The following RBMS3 variants were observed in gnomAD, a reference collection of about 807,000 sequenced individuals.
RBMS3 encodes the protein RNA binding motif single stranded interacting protein 3, also known as RNA-binding motif, single-stranded-interacting protein 3.
A neutral mutation model predicts 66.8 loss-of-function variants in RBMS3; 27 were observed. The ratio of observed to expected loss-of-function variants is 0.40; its 90% CI spans 0.30 to 0.56. RBMS3 has a LOEUF of 0.56. Among genes scored for constraint, RBMS3 ranks in the 20% least tolerant of loss-of-function variants. RBMS3 has a pLI of 0.40. For missense variants in RBMS3, 513 were observed against 549.5 expected (o/e 0.93, Z 0.66); for synonymous variants, 188 against 183.0 (o/e 1.03, Z -0.22).
intron 4 of RBMS3, among the ~76,000 whole-genome samples, chr3:29,695,626 A>C (rs2052236460): frequency 1.3e-5 from 2 of 152,060 alleles, no homozygotes; most frequent in Admixed American, 1.3e-4. Flanking sequence ...TCATTTAACA[A>C]TTTCATGTGA....
At chr3:29,537,217 G>A (rs770734783) in intron 3 of RBMS3, among the ~76,000 whole-genome samples, 22 of 152,150 alleles carry the variant, frequency 1.4e-4, no homozygotes, top group Non-Finnish European at 2.8e-4. Flanking sequence ...CAGCTGAATG[G>A]ACTATTGGCA....
intron 12 of RBMS3, among the ~76,000 whole-genome samples, chr3:29,953,937 T>C (rs1695855202): frequency 1.3e-5 from 2 of 151,914 alleles, no homozygotes; most frequent in Non-Finnish European, 2.9e-5. Flanking sequence ...CCTATCTTCC[T>C]CTTTTGTCAA....
intron 2 of RBMS3, among the ~76,000 whole-genome samples, chr3:29,441,579 A>G (rs985584882): frequency 7.9e-5 from 12 of 152,196 alleles, no homozygotes; most frequent in African/African-American, 2.9e-4. Context: ...TTCAAAGCCG[A>G]TATTCGTAAT....
At chr3:29,404,028 A>G (rs1039267830) in intron 1 of RBMS3, among the ~76,000 whole-genome samples, 2 of 152,102 alleles carry the variant, frequency 1.3e-5, no homozygotes, top group South Asian at 4.1e-4. Flanking sequence ...TTCTGTACAG[A>G]CACCAGTATC....
intron 1 of RBMS3, among the ~76,000 whole-genome samples, chr3:29,316,215 T>C (rs570748517): frequency 2.6e-5 from 4 of 151,906 alleles, no homozygotes; most frequent in Non-Finnish European, 5.9e-5. Context: ...TCACTTCTTC[T>C]AGCCTATCAC....
intron 1 of RBMS3, among the ~76,000 whole-genome samples, chr3:29,365,321 T>C (rs1056880665): frequency 6.6e-6 from 1 of 151,830 alleles, no homozygotes; most frequent in Non-Finnish European, 1.5e-5. Context: ...TTAGGAGATA[T>C]ATATATATAT....
chr3:29,589,317 T>C (rs1304420850), intron 4 of RBMS3, among the ~76,000 whole-genome samples: 5 of 152,110 alleles, frequency 3.3e-5, no homozygotes, highest in African/African-American at 4.8e-5. Flanking sequence ...TGGGGAAATA[T>C]TTTAAAGACC....
At chr3:29,518,827 G>T (rs529595924) in intron 3 of RBMS3, among the ~76,000 whole-genome samples, 1 of 152,214 alleles carries the variant, frequency 6.6e-6, no homozygotes, top group Non-Finnish European at 1.5e-5. Flanking sequence ...CCCTTATAAA[G>T]AATTAATTAT....
chr3:29,897,707 A>G (rs150456438), intron 9 of RBMS3, among the ~76,000 whole-genome samples: 2 of 151,612 alleles, frequency 1.3e-5, no homozygotes, highest in African/African-American at 2.4e-5. Context: ...CTGAGTTTTC[A>G]TGATTATGCT....
At chr3:29,983,297 G>A (rs955133210) in intron 12 of RBMS3, among the ~76,000 whole-genome samples, 1 of 146,184 alleles carries the variant, frequency 6.8e-6, no homozygotes, top group African/African-American at 2.5e-5. Flanking sequence ...TTTATTTTGA[G>A]CCTATGTGTG....
chr3:29,458,555 T>A (rs1020674365), intron 2 of RBMS3, among the ~76,000 whole-genome samples: 11 of 152,332 alleles, frequency 7.2e-5, no homozygotes, highest in African/African-American at 2.4e-4. Flanking sequence ...TAATACCTAA[T>A]AAGATGTAAA....
chr3:29,884,436 C>T (rs2059812674), intron 8 of RBMS3, among the ~76,000 whole-genome samples: 1 of 113,676 alleles, frequency 8.8e-6, no homozygotes, highest in Non-Finnish European at 1.9e-5. Context: ...CTCTCTCTCT[C>T]TCTCTCTCTC....
At chr3:29,798,755 G>T (rs116122922) in intron 6 of RBMS3, among the ~76,000 whole-genome samples, 1,529 of 152,128 alleles carry the variant, frequency 0.01, 31 homozygotes, top group Middle Eastern at 0.034. Flanking sequence ...ATGCAATTTG[G>T]TGTCTATATC....
At chr3:29,472,529 T>A (rs545316903) in intron 2 of RBMS3, among the ~76,000 whole-genome samples, 1 of 152,278 alleles carries the variant, frequency 6.6e-6, no homozygotes, top group East Asian at 1.9e-4. Context: ...ACCCTCGCTG[T>A]GAGTGTTACA....
At chr3:29,814,768 C>T (rs1033785943) in intron 6 of RBMS3, among the ~76,000 whole-genome samples, 4 of 152,146 alleles carry the variant, frequency 2.6e-5, no homozygotes, top group Non-Finnish European at 2.9e-5. Flanking sequence ...TACCCTAAAA[C>T]TTAAAGTATA....
chr3:29,632,150 C>G (rs2049305736), intron 4 of RBMS3, among the ~76,000 whole-genome samples: 1 of 151,976 alleles, frequency 6.6e-6, no homozygotes, highest in Non-Finnish European at 1.5e-5. Context: ...CAATAGAATT[C>G]CATTTGAGTA....
intron 3 of RBMS3, among the ~76,000 whole-genome samples, chr3:29,553,826 A>C (rs1195486060): frequency 4.8e-5 from 7 of 147,188 alleles, no homozygotes; most frequent in Admixed American, 4.7e-4. Flanking sequence ...AAAAAAAAGC[A>C]TTTTCCTAGG....
At chr3:29,803,047 G>C (rs2057437625) in intron 6 of RBMS3, among the ~76,000 whole-genome samples, 2 of 152,104 alleles carry the variant, frequency 1.3e-5, no homozygotes, top group Non-Finnish European at 2.9e-5. Context: ...ATAGCTCTCT[G>C]ATGGGATCCT....
At chr3:29,482,904 C>T (rs2043188386) in intron 2 of RBMS3, among the ~76,000 whole-genome samples, 1 of 151,414 alleles carries the variant, frequency 6.6e-6, no homozygotes, top group South Asian at 2.1e-4. Flanking sequence ...GACGACGTTT[C>T]ACCACGTTGG....
Sources: gnomAD v4.1 joint callset for allele counts (sites outside exome capture counted in the v4.1 genomes callset) on GRCh38, gnomAD v4.1.1 for gene constraint, MANE v1.5 for transcripts, NCBI Gene and HGNC (gene_info 2026-07-23, HGNC 2026-07-21) for gene names.